Variants in FOXP2 observed in about 807,000 individuals in gnomAD.
FOXP2 encodes forkhead box protein P2.
FOXP2 carries 12 observed loss-of-function variants against 115.8 expected under a neutral mutation model. The ratio of observed to expected loss-of-function variants is 0.10; its 90% CI spans 0.07 to 0.17. FOXP2 has a LOEUF of 0.17. Among genes scored for constraint, FOXP2 ranks in the 10% least tolerant of loss-of-function variants. The pLI is 1.00. For missense variants in FOXP2, 629 were observed against 843.5 expected (o/e 0.75, Z 3.15); for synonymous variants, 328 against 297.7 (o/e 1.10, Z -1.05).
intron 1 of FOXP2, among the ~76,000 whole-genome samples, chr7:114,247,395 A>G (rs919760461): frequency 6.6e-6 from 1 of 152,210 alleles, no homozygotes; most frequent in African/African-American, 2.4e-5. Context: ...CTTTTGTACT[A>G]ATTCAGACAG....
chr7:114,652,225 T>C lies in FOXP2; in HGVS notation c.1117T>C (p.Leu373=). Residue 373 remains leucine, a synonymous_variant, in exon 9 of 17, where the codon TTG becomes CTG. Coordinates refer to ENST00000350908, the MANE Select transcript of FOXP2 (RefSeq NM_014491.4). ...TAGGCACCTTAACAATGAACACGCA[T>C]TGGATGACCGAAGCACTGCTCAGTG... ...FLKHLNNEHA[L]DDRSTAQCRV... The C allele has an allele frequency of 6.2e-7, 1 of 1,612,986 alleles. No individual in the cohort carries two copies. The highest frequency in any genetic ancestry group is 8.5e-7 in the Non-Finnish European group (1 of 1,179,280).
chr7:114,175,281 T>A (rs1039044742), intron 1 of FOXP2, among the ~76,000 whole-genome samples: 2 of 152,158 alleles, frequency 1.3e-5, no homozygotes, highest in African/African-American at 4.8e-5. Context: ...GGATGCTGTG[T>A]TATCTGGGAC....
At chr7:114,443,726 A>G (rs1305109222) in intron 2 of FOXP2, among the ~76,000 whole-genome samples, 13 of 152,096 alleles carry the variant, frequency 8.5e-5, no homozygotes, top group Non-Finnish European at 1.8e-4. Flanking sequence ...CTCCAGTTCC[A>G]CCCATGTTGC....
intron 2 of FOXP2, among the ~76,000 whole-genome samples, chr7:114,519,665 C>A (rs1045886690): frequency 6.6e-6 from 1 of 152,078 alleles, no homozygotes; most frequent in African/African-American, 2.4e-5. Context: ...CCATGAGAAA[C>A]TATGCAGTTC....
At chr7:114,557,050 A>T (rs1416901595) in intron 3 of FOXP2, among the ~76,000 whole-genome samples, 1 of 152,108 alleles carries the variant, frequency 6.6e-6, no homozygotes, top group African/African-American at 2.4e-5. Flanking sequence ...TAATATGTAA[A>T]ATACAGTTTT....
At chr7:114,517,291 A>G (rs549857908) in intron 2 of FOXP2, among the ~76,000 whole-genome samples, 40 of 151,936 alleles carry the variant, frequency 2.6e-4, no homozygotes, top group Admixed American at 5.3e-4. Flanking sequence ...CTCCCATTCC[A>G]TAGGTCGTCT....
intron 2 of FOXP2, among the ~76,000 whole-genome samples, chr7:114,363,703 C>T (rs900853759): frequency 1.1e-4 from 17 of 151,920 alleles, no homozygotes; most frequent in African/African-American, 1.5e-4. Context: ...TAAACTCTTA[C>T]GTGATCTTTT....
At chr7:114,144,820 G>T (rs1439188898) in intron 1 of FOXP2, among the ~76,000 whole-genome samples, 1 of 152,082 alleles carries the variant, frequency 6.6e-6, no homozygotes, top group Non-Finnish European at 1.5e-5. Flanking sequence ...TTTATTTTGA[G>T]TACAACAGTA....
At chr7:114,535,315 A>G (rs1445992066) in intron 3 of FOXP2, among the ~76,000 whole-genome samples, 1 of 151,458 alleles carries the variant, frequency 6.6e-6, no homozygotes, top group Non-Finnish European at 1.5e-5. Flanking sequence ...CTTCTTAACC[A>G]AAATATGTGG....
At chr7:114,606,171 TGG>T (rs1283581045) in intron 3 of FOXP2, among the ~76,000 whole-genome samples, 4 of 152,216 alleles carry the variant, frequency 2.6e-5, no homozygotes, top group African/African-American at 4.8e-5. Flanking sequence ...TTTGGCTGAC[TGG>T]TAGGATAATG....
chr7:114,447,831 T>A (rs1488249444), intron 2 of FOXP2, among the ~76,000 whole-genome samples: 13 of 152,146 alleles, frequency 8.5e-5, no homozygotes. Flanking sequence ...GAAGGACCAT[T>A]TTTCCAAGTT....
intron 2 of FOXP2, among the ~76,000 whole-genome samples, chr7:114,407,710 C>T (rs1381865432): frequency 1.3e-5 from 2 of 152,024 alleles, no homozygotes; most frequent in African/African-American, 2.4e-5. Flanking sequence ...TATTTCTATG[C>T]AAATATTTGA....
At chr7:114,597,862 G>C (rs1802809328) in intron 3 of FOXP2, among the ~76,000 whole-genome samples, 1 of 152,108 alleles carries the variant, frequency 6.6e-6, no homozygotes, top group African/African-American at 2.4e-5. Context: ...TTTTCTTTAA[G>C]AAAACGTGCA....
intron 2 of FOXP2, among the ~76,000 whole-genome samples, chr7:114,388,458 A>G (rs1036866056): frequency 2.6e-4 from 40 of 151,222 alleles, no homozygotes; most frequent in Non-Finnish European, 2.2e-4. Context: ...CAGAAAGTAG[A>G]TTGTTGAATT....
At chr7:114,495,483 CTTTTTTTTTTT>C (rs35933398) in intron 2 of FOXP2, among the ~76,000 whole-genome samples, 36 of 61,452 alleles carry the variant, frequency 5.9e-4, no homozygotes, top group East Asian at 1.3e-3. Context: ...TTCTCTCTCT[CTTTTTTTTTTT>C]TTTTTTTTTT....
chr7:114,267,762 A>G (rs957893919), intron 1 of FOXP2, among the ~76,000 whole-genome samples: 1 of 146,834 alleles, frequency 6.8e-6, no homozygotes, highest in African/African-American at 2.5e-5. Context: ...TAAATAAATA[A>G]ATAAATAAAT....
At chr7:114,386,512 G>C (rs572288801) in intron 2 of FOXP2, among the ~76,000 whole-genome samples, 103 of 152,320 alleles carry the variant, frequency 6.8e-4, no homozygotes, top group African/African-American at 2.3e-3. Context: ...CAGAGATGAG[G>C]GTTTCTCCTG....
chr7:114,297,272 A>G, intron 2 of FOXP2: 1 of 518,362 alleles, frequency 1.9e-6, no homozygotes, highest in Non-Finnish European at 3.7e-6. Flanking sequence ...CGCAGCTCCT[A>G]TGGGGCGAAC....
At chr7:114,484,820 C>G (rs1301866207) in intron 2 of FOXP2, among the ~76,000 whole-genome samples, 2 of 151,816 alleles carry the variant, frequency 1.3e-5, no homozygotes, top group Non-Finnish European at 2.9e-5. Flanking sequence ...AAATCATTAT[C>G]TATTCTACAT....
Sources: allele counts gnomAD v4.1 joint callset (sites outside exome capture counted in the v4.1 genomes callset), GRCh38; gene constraint gnomAD v4.1.1; transcripts MANE v1.5; gene names NCBI Gene and HGNC (gene_info 2026-07-23, HGNC 2026-07-21).